BRAF: variants seen among roughly 807,000 people sequenced by gnomAD.
The protein encoded by BRAF is B-Raf proto-oncogene, serine/threonine kinase.
BRAF carries 16 observed loss-of-function variants against 104.6 expected under a neutral mutation model. That is an observed-to-expected ratio of 0.15 (90% confidence interval 0.10 to 0.23). The LOEUF (loss-of-function observed/expected upper bound fraction) is 0.23, where lower values mean the gene tolerates loss of function less well. Among genes scored for constraint, BRAF ranks in the 10% least tolerant of loss-of-function variants. The pLI, the probability that BRAF is intolerant of heterozygous loss-of-function variation, is 1.00. For missense variants in BRAF, 541 were observed against 937.3 expected, an observed-to-expected ratio of 0.58 and a Z score of 5.52; for synonymous variants, 310 against 341.6, an observed-to-expected ratio of 0.91 and a Z score of 1.02.
chr7:140,864,231 GGTTGT>G (rs1255594167), intron 1 of BRAF, among the ~76,000 whole-genome samples: 2 of 152,150 alleles, frequency 1.3e-5, no homozygotes, highest in African/African-American at 4.8e-5. Flanking sequence ...TTGAAACTAT[GGTTGT>G]GTTAAGCAAG....
intron 3 of BRAF, 30 bp from the exon 4 acceptor site, chr7:140,809,025 G>A: frequency 6.5e-7 from 1 of 1,541,514 alleles, no homozygotes; most frequent in South Asian, 1.1e-5. Flanking sequence ...TTGATAAGAG[G>A]TAAAGGGAGC....
At chr7:140,848,480 G>A (rs1012536474) in intron 2 of BRAF, among the ~76,000 whole-genome samples, 1 of 152,204 alleles carries the variant, frequency 6.6e-6, no homozygotes, top group South Asian at 2.1e-4. Context: ...TGTTGTTAGT[G>A]ATCAGTCTTC....
chr7:140,743,855 C>G (rs906759008), intron 17 of BRAF, among the ~76,000 whole-genome samples: 2 of 152,130 alleles, frequency 1.3e-5, no homozygotes, highest in African/African-American at 4.8e-5. Context: ...GAATGGGTAA[C>G]GAGTCTGTTG....
Position 140,724,648 on chromosome 7 carries a change from T to C in BRAF, c.*1846A>G. On this transcript the variant is annotated 3_prime_UTR_variant, in exon 20 of 20. Coordinates refer to ENST00000644969, the MANE Select transcript of BRAF (RefSeq NM_001374258.1). ...ATGTATGTTAGCAAAAATCTAATGG[T>C]AGTGAGCTTTTAGTGGCTGCAATAT... 2.9e-6 allele frequency: 3 copies of C among 1,035,264 alleles called. No homozygotes were observed. Among genetic ancestry groups the C allele is most frequent in the South Asian group, 4.6e-5 (1 of 21,704 alleles). The allele number at this position is 1,035,264 out of a possible 1,614,324, so 64.1% of individuals were successfully genotyped here.
Position 140,722,008 on chromosome 7 carries a change from T to C in BRAF, c.*4486A>G. Reference sequence around the variant, plus strand: ...TCGGTCCTATATTTCAATTTCCCCTTCTAAGTTAATACATGATTGCTGCCC... The same window carrying C: ...TCGGTCCTATATTTCAATTTCCCCTCCTAAGTTAATACATGATTGCTGCCC... On this transcript the variant is annotated 3_prime_UTR_variant, in exon 20 of 20. Transcript: ENST00000644969. 5 of 1,160,596 alleles carry C rather than the reference T, an allele frequency of 4.3e-6. No individual in the cohort carries two copies. The highest frequency in any genetic ancestry group is 5.3e-6 in the Non-Finnish European group (5 of 942,742). 71.9% of individuals were successfully genotyped at this position (1,160,596 alleles called of 1,614,324 possible). A position where few individuals can be genotyped will look rare whatever the true frequency, so the allele number is the denominator to read the frequency against.
chr7:140,816,811 C>T (rs1323108573), intron 3 of BRAF, among the ~76,000 whole-genome samples: 5 of 151,880 alleles, frequency 3.3e-5, no homozygotes, highest in African/African-American at 1.2e-4. Context: ...TTTTAGGTAC[C>T]GTTTCAGACT....
intron 1 of BRAF, among the ~76,000 whole-genome samples, chr7:140,854,494 T>C (rs1028599578): frequency 1.5e-4 from 22 of 150,996 alleles, no homozygotes; most frequent in Admixed American, 8.6e-4. Flanking sequence ...CACACTCCCT[T>C]TTTTTTTTCA....
At chr7:140,740,008 A>G in intron 17 of BRAF, 62 bp from the exon 17 acceptor site, 1 of 1,514,752 alleles carries the variant, frequency 6.6e-7, no homozygotes, top group Non-Finnish European at 9.1e-7. Flanking sequence ...AATATACTTC[A>G]CACTCATTGA....
At chr7:140,801,849 T>C (rs758121335) in intron 5 of BRAF, among the ~76,000 whole-genome samples, 47 of 151,670 alleles carry the variant, frequency 3.1e-4, no homozygotes, top group Non-Finnish European at 6.3e-4. Context: ...AAAGTAAAAG[T>C]AGACATGAAA....
chr7:140,859,672 A>C (rs1810189449), intron 1 of BRAF, among the ~76,000 whole-genome samples: 1 of 151,650 alleles, frequency 6.6e-6, no homozygotes, highest in Non-Finnish European at 1.5e-5. Context: ...GGAACTTGAA[A>C]AACTGATTGT....
intron 1 of BRAF, among the ~76,000 whole-genome samples, chr7:140,911,608 G>A (rs190366468): frequency 6.6e-6 from 1 of 152,252 alleles, no homozygotes; most frequent in African/African-American, 2.4e-5. Flanking sequence ...GGGTGGGATG[G>A]GGGAGGAAAT....
intron 14 of BRAF, among the ~76,000 whole-genome samples, chr7:140,766,518 T>TA (rs1308955723): frequency 5.3e-5 from 8 of 152,228 alleles, no homozygotes; most frequent in African/African-American, 1.7e-4. Context: ...ACCTTCCACA[T>TA]AGATTCCACA....
At position 140,720,458 on chromosome 7, in the gene BRAF, G is replaced by A. The variant is rs1795266986; in HGVS notation, c.*6036C>T. ...AGCCACTTACGTTGGTCATTAACAT[G>A]AATAAAAAGGCATTATATGTTGATA... On this transcript the variant is annotated 3_prime_UTR_variant, in exon 20 of 20. Coordinates refer to ENST00000644969, the MANE Select transcript of BRAF (RefSeq NM_001374258.1). The A allele has an allele frequency of 9.4e-7, 1 of 1,063,362 alleles. No homozygotes were observed. Among genetic ancestry groups the A allele is most frequent in the Non-Finnish European group, 1.1e-6 (1 of 878,210 alleles). 65.9% of individuals were successfully genotyped at this position (1,063,362 alleles called of 1,614,324 possible). A position where few individuals can be genotyped will look rare whatever the true frequency, so the allele number is the denominator to read the frequency against.
Position 140,850,146 on chromosome 7 carries a change from C to A in BRAF, c.205G>T (p.Gly69Cys). 2 of 1,611,878 alleles carry A rather than the reference C, an allele frequency of 1.2e-6. No individual in the cohort carries two copies. The highest frequency in any genetic ancestry group is 1.7e-6 in the Non-Finnish European group (2 of 1,179,058). ...EHIEALLDKF[G>C]GEHNPPSIYL... ...ATTGATGGTGGATTATGCTCCCCAC[C>A]AAATTTGTCCAATAGGGCCTCTATA... is the stretch of plus-strand genomic sequence containing the variant. Residue 69 changes from glycine to cysteine, a missense_variant, in exon 2 of 20, where the codon GGT (glycine) becomes TGT (cysteine). By Grantham distance (159) the Gly-to-Cys change is radical. Around this residue, in one of 10 missense-constraint regions of BRAF, gnomAD observed 86 missense variants for 133.9 expected, o/e 0.64. Coordinates refer to ENST00000644969, the MANE Select transcript of BRAF (RefSeq NM_001374258.1).
chr7:140,865,888 G>A (rs1456043631), intron 1 of BRAF, among the ~76,000 whole-genome samples: 1 of 152,152 alleles, frequency 6.6e-6, no homozygotes, highest in Admixed American at 6.6e-5. Flanking sequence ...CTGAATAAGA[G>A]GATCAAACAT....
rs1804935562 is a variant in BRAF at position 140,816,844 on chromosome 7, A to G, written c.505-7849T>C. 2.0e-5 allele frequency among the ~76,000 whole-genome samples: 3 copies of G among 152,164 alleles called. 1 individual carries two copies. The highest frequency in any genetic ancestry group is 2.0e-4 in the Admixed American group (3 of 15,278). ...ACTTTTCATCAGACAACAGACCCAC[A>G]GCTAGAATCATAATTAATGAAAAAA... On this transcript the variant is annotated intron_variant, in intron 3 of 19. Transcript: ENST00000644969.
intron 1 of BRAF, among the ~76,000 whole-genome samples, chr7:140,907,121 C>T (rs1338635800): frequency 1.3e-5 from 2 of 152,202 alleles, no homozygotes; most frequent in African/African-American, 4.8e-5. Flanking sequence ...CTGTGCTACA[C>T]TCTAAACAGT....
At chr7:140,806,036 T>C (rs1220914357) in intron 5 of BRAF, among the ~76,000 whole-genome samples, 2 of 152,220 alleles carry the variant, frequency 1.3e-5, no homozygotes, top group Non-Finnish European at 2.9e-5. Flanking sequence ...TGAGCTGGAC[T>C]CTGCTTATTC....
intron 1 of BRAF, among the ~76,000 whole-genome samples, chr7:140,857,413 A>G (rs1809915452): frequency 6.6e-6 from 1 of 152,168 alleles, no homozygotes; most frequent in African/African-American, 2.4e-5. Context: ...TGGATTTCCG[A>G]CCTCCAGAAA....
Sources: gnomAD v4.1 joint callset for allele counts (sites outside exome capture counted in the v4.1 genomes callset) on GRCh38, gnomAD v4.1.1 for gene constraint, gnomAD v4.1.1 regional missense constraint, MANE v1.5 for transcripts, NCBI Gene and HGNC (gene_info 2026-07-23, HGNC 2026-07-21) for gene names.